Variants in GTF2H1 observed in about 807,000 individuals in gnomAD.
GTF2H1 encodes general transcription factor IIH subunit 1.
In GTF2H1, 16 loss-of-function variants were observed where a neutral mutation model predicts 71.2. The observed-to-expected ratio is 0.22, with a 90% CI of 0.15 to 0.34. The LOEUF (loss-of-function observed/expected upper bound fraction) is 0.34, where lower values mean the gene tolerates loss of function less well. Ranked by LOEUF, GTF2H1 falls within the 10% of genes least tolerant of loss-of-function variation. The probability of loss-of-function intolerance (pLI) is 1.00; values close to 1 mark genes in which losing one functional copy is unlikely to be tolerated. For missense variants in GTF2H1, 498 were observed against 648.2 expected (o/e 0.77, Z 2.52); for synonymous variants, 215 against 219.0 (o/e 0.98, Z 0.16).
rs77885959 is a variant in GTF2H1 at position 18,340,835 on chromosome 11, T to G, written c.608-426T>G. Among the ~76,000 whole-genome samples the G allele has an allele frequency of 8.5e-4, 129 of 152,298 alleles. No homozygotes were observed. In the East Asian group the frequency reaches 0.019, roughly 23 times the overall value. On this transcript the variant is annotated intron_variant, in intron 5 of 14. Transcript: ENST00000265963. ...AAACTCAGAGCTCAGCAAACAATGC[T>G]GTTGAACTCTATGCTTGCTAGTGTG... is the stretch of plus-strand genomic sequence containing the variant.
At chr11:18,342,248 G>GTC (rs1865173404) in intron 7 of GTF2H1, among the ~76,000 whole-genome samples, 1 of 107,444 alleles carries the variant, frequency 9.3e-6, no homozygotes, top group African/African-American at 3.4e-5. Flanking sequence ...TTCTTTTTCT[G>GTC]TCTCTTTTTT....
intron 1 of GTF2H1, among the ~76,000 whole-genome samples, chr11:18,329,803 A>G (rs138349287): frequency 2.4e-4 from 37 of 152,328 alleles, no homozygotes; most frequent in African/African-American, 8.2e-4. Flanking sequence ...TTATAACCAA[A>G]CTATGTATTA....
intron 7 of GTF2H1, among the ~76,000 whole-genome samples, chr11:18,342,820 A>G (rs1865191843): frequency 6.6e-6 from 1 of 152,170 alleles, no homozygotes; most frequent in Non-Finnish European, 1.5e-5. Flanking sequence ...AGCTGTATAA[A>G]CCATCCCATA....
intron 1 of GTF2H1, among the ~76,000 whole-genome samples, chr11:18,328,923 G>A (rs1172479714): frequency 6.6e-6 from 1 of 151,946 alleles, no homozygotes; most frequent in Non-Finnish European, 1.5e-5. Flanking sequence ...TAAACTTCAA[G>A]AAGGGAAAAC....
intron 10 of GTF2H1, 160 bp from the exon 11 acceptor site, chr11:18,352,169 T>A (rs1026329945): frequency 3.1e-6 from 2 of 635,020 alleles, no homozygotes; most frequent in African/African-American, 3.7e-5. Flanking sequence ...TGTTGCTTTC[T>A]TATTGCCCTT....
intron 14 of GTF2H1, among the ~76,000 whole-genome samples, chr11:18,362,904 C>T (rs896824616): frequency 2.6e-5 from 4 of 151,920 alleles, no homozygotes; most frequent in Non-Finnish European, 5.9e-5. Flanking sequence ...CTCCTGACCT[C>T]GTGATCCACC....
In GTF2H1 at chr11:18,322,688, A is replaced by C. The variant is rs752947498; in HGVS notation, c.-68A>C. 1 of 148,930 alleles carries C rather than the reference A, an allele frequency of 6.7e-6. No homozygotes were observed. Among genetic ancestry groups the C allele is most frequent in the Non-Finnish European group, 1.5e-5 (1 of 67,638 alleles). 9.2% of individuals were successfully genotyped at this position (148,930 alleles called of 1,614,324 possible). On this transcript the variant is annotated 5_prime_UTR_variant, in exon 1 of 15. Coordinates refer to ENST00000265963, the MANE Select transcript of GTF2H1 (RefSeq NM_005316.4). The stretch of plus-strand genomic sequence containing the variant: ...GCTCTAAGAAGCGCAGCGGAACTCG[A>C]CCGGATCCAACCCAGTTAGTTACTT...
chr11:18,336,786 G>T (rs1865038495), intron 3 of GTF2H1, among the ~76,000 whole-genome samples: 1 of 145,726 alleles, frequency 6.9e-6, no homozygotes, highest in Non-Finnish European at 1.5e-5. Context: ...ACAGAATCTT[G>T]CTCTGTTGCC....
intron 1 of GTF2H1, among the ~76,000 whole-genome samples, chr11:18,328,512 CAAAA>C (rs34390516): frequency 2.1e-5 from 2 of 94,222 alleles, no homozygotes; most frequent in African/African-American, 4.0e-5. Context: ...GACTCCATCT[CAAAA>C]AAAAAAAAAA....
At chr11:18,324,582 G>A (rs537517210) in intron 1 of GTF2H1, among the ~76,000 whole-genome samples, 2 of 152,286 alleles carry the variant, frequency 1.3e-5, no homozygotes, top group South Asian at 4.1e-4. Context: ...CCTACCATCA[G>A]AATGTTGTCT....
At chr11:18,346,653 G>T (rs989127169) in intron 7 of GTF2H1, among the ~76,000 whole-genome samples, 1 of 150,200 alleles carries the variant, frequency 6.7e-6, no homozygotes, top group African/African-American at 2.5e-5. Flanking sequence ...CTAGATTAAC[G>T]TTAGAAAAAG....
chr11:18,327,667 C>T (rs768896337), intron 1 of GTF2H1, among the ~76,000 whole-genome samples: 1 of 152,174 alleles, frequency 6.6e-6, no homozygotes, highest in Non-Finnish European at 1.5e-5. Context: ...GGTATCATCA[C>T]GGCTCCATCT....
At chr11:18,362,734 G>C (rs1865733795) in intron 14 of GTF2H1, among the ~76,000 whole-genome samples, 1 of 139,936 alleles carries the variant, frequency 7.1e-6, no homozygotes. Flanking sequence ...GCAATGGCAT[G>C]ATCACAGCTC....
At chr11:18,358,066 T>TA (rs746885994) in intron 12 of GTF2H1, 24 bp downstream of exon 12, 1 of 1,538,828 alleles carries the variant, frequency 6.5e-7, no homozygotes, top group Non-Finnish European at 9.0e-7. Context: ...CATCTTCTAC[T>TA]ACTTTCTGCC....
At chr11:18,327,899 A>T (rs1864802303) in intron 1 of GTF2H1, among the ~76,000 whole-genome samples, 1 of 152,142 alleles carries the variant, frequency 6.6e-6, no homozygotes, top group South Asian at 2.1e-4. Flanking sequence ...TAAATTTTAG[A>T]TTTTTTTAAA....
chr11:18,349,946 T>C (rs561221039), intron 9 of GTF2H1, among the ~76,000 whole-genome samples: 1 of 152,316 alleles, frequency 6.6e-6, no homozygotes, highest in African/African-American at 2.4e-5. Flanking sequence ...GAATATCTCA[T>C]GTAACTCATT....
chr11:18,350,725 G>T (rs1319860579), intron 9 of GTF2H1, among the ~76,000 whole-genome samples: 1 of 152,122 alleles, frequency 6.6e-6, no homozygotes, highest in Non-Finnish European at 1.5e-5. Context: ...TTCTAGTCTT[G>T]GTAGTCAATA....
intron 2 of GTF2H1, chr11:18,333,449 T>C (rs775049873): frequency 5.8e-6 from 2 of 344,412 alleles, no homozygotes; most frequent in South Asian, 6.0e-5. Flanking sequence ...ACCTGACATA[T>C]AGATCTCCAC....
chr11:18,362,675 T>TAC (rs1865731820), intron 14 of GTF2H1, among the ~76,000 whole-genome samples: 1 of 118,652 alleles, frequency 8.4e-6, no homozygotes, highest in Admixed American at 9.4e-5. Flanking sequence ...TTTCTTTTTT[T>TAC]TTTTTTTTTT....
Sources: allele counts gnomAD v4.1 joint callset (sites outside exome capture counted in the v4.1 genomes callset), GRCh38; gene constraint gnomAD v4.1.1; transcripts MANE v1.5; gene names NCBI Gene and HGNC (gene_info 2026-07-23, HGNC 2026-07-21).